AKR1B15: variants seen among roughly 807,000 people sequenced by gnomAD.
AKR1B15 encodes estradiol 17-beta-dehydrogenase AKR1B15.
AKR1B15 carries 49 observed loss-of-function variants against 38.5 expected under a neutral mutation model. The observed-to-expected ratio is 1.27, with a 90% CI of 1.01 to 1.62. The LOEUF is 1.62. Among genes scored for constraint, AKR1B15 ranks in the 40% most tolerant of loss-of-function variants. The probability of loss-of-function intolerance (pLI) is 0.00; values close to 1 mark genes in which losing one functional copy is unlikely to be tolerated. For missense variants in AKR1B15, 411 were observed against 381.6 expected, an observed-to-expected ratio of 1.08 and a Z score of -0.64; for synonymous variants, 137 against 135.5, an observed-to-expected ratio of 1.01 and a Z score of -0.08.
At chr7:134,563,685 G>A (rs1170263054) in intron 2 of AKR1B15, among the ~76,000 whole-genome samples, 3 of 152,168 alleles carry the variant, frequency 2.0e-5, no homozygotes, top group Admixed American at 2.0e-4. Flanking sequence ...CTAAAGGATT[G>A]TTAATGCACC....
At chr7:134,556,112 T>TC (rs1172350479) in intron 1 of AKR1B15, among the ~76,000 whole-genome samples, 1 of 152,188 alleles carries the variant, frequency 6.6e-6, no homozygotes, top group African/African-American at 2.4e-5. Flanking sequence ...ATGTTCACCA[T>TC]CCAGAAAAAA....
intron 2 of AKR1B15, among the ~76,000 whole-genome samples, chr7:134,562,879 TTTCTTTCTTTC>T (rs1794449081): frequency 8.0e-6 from 1 of 125,686 alleles, no homozygotes. Flanking sequence ...TCTTTCTTTC[TTTCTTTCTTTC>T]CTTCTTTCTT....
intron 1 of AKR1B15, among the ~76,000 whole-genome samples, chr7:134,553,610 A>G (rs906404977): frequency 6.6e-6 from 1 of 152,206 alleles, no homozygotes; most frequent in African/African-American, 2.4e-5. Flanking sequence ...CCTTGCTACA[A>G]AGTGCTTCTG....
At chr7:134,560,152 C>T (rs1237801228) in intron 2 of AKR1B15, among the ~76,000 whole-genome samples, 2 of 152,062 alleles carry the variant, frequency 1.3e-5, no homozygotes, top group African/African-American at 4.8e-5. Context: ...TAACAAATCC[C>T]CTCAAGAGGT....
At chr7:134,577,420 T>C (rs963732427) in intron 10 of AKR1B15, among the ~76,000 whole-genome samples, 13 of 152,168 alleles carry the variant, frequency 8.5e-5, no homozygotes, top group African/African-American at 3.1e-4. Flanking sequence ...AGAAGTGTCC[T>C]CTAGAAGCAC....
intron 3 of AKR1B15, chr7:134,564,984 C>T (rs1233731798): frequency 8.1e-6 from 3 of 369,660 alleles, no homozygotes; most frequent in Non-Finnish European, 9.7e-6. Context: ...TGTAAAAACG[C>T]AGCAATCAGC....
At chr7:134,576,000 T>C (rs1290322617) in intron 8 of AKR1B15, 73 bp downstream of exon 8, 85 of 1,555,880 alleles carry the variant, frequency 5.5e-5, no homozygotes, top group Non-Finnish European at 7.0e-5. Flanking sequence ...TAAATGTCGG[T>C]ATGGGTCCAT....
At chr7:134,562,183 C>T (rs1794414376) in intron 2 of AKR1B15, among the ~76,000 whole-genome samples, 1 of 152,160 alleles carries the variant, frequency 6.6e-6, no homozygotes, top group African/African-American at 2.4e-5. Context: ...GTCTGGCTGA[C>T]TTCAAGACTG....
At chr7:134,574,839 T>G (rs947115165) in intron 6 of AKR1B15, among the ~76,000 whole-genome samples, 1 of 152,140 alleles carries the variant, frequency 6.6e-6, no homozygotes, top group African/African-American at 2.4e-5. Context: ...CCCACACAAC[T>G]CCGTGGCCGG....
intron 2 of AKR1B15, among the ~76,000 whole-genome samples, chr7:134,562,052 C>T (rs1318824930): frequency 3.3e-5 from 5 of 152,110 alleles, no homozygotes; most frequent in East Asian, 1.9e-4. Flanking sequence ...GGCACAATCT[C>T]GGCTCACTGC....
In AKR1B15 at chr7:134,576,004, G is replaced by A. The variant is rs533083485; in HGVS notation, c.743+77G>A. 8 of 1,540,230 alleles carry A rather than the reference G, an allele frequency of 5.2e-6. No individual in the cohort carries two copies. The South Asian group carries it at 9.6e-5, about 19-fold the overall frequency. ...TTTATAATTGGTAAATGTCGGTATG[G>A]GTCCATAAGTTACTGGAAAGAAAAA... is the stretch of plus-strand genomic sequence containing the variant. On this transcript the variant is annotated intron_variant, in intron 8 of 11. Transcript: ENST00000457545.
chr7:134,566,488 G>C (rs1794538195), intron 3 of AKR1B15, among the ~76,000 whole-genome samples: 1 of 152,108 alleles, frequency 6.6e-6, no homozygotes, highest in African/African-American at 2.4e-5. Context: ...GGCAAAACAC[G>C]CTAAGGCACA....
At chr7:134,557,883 A>C (rs1422651514) in intron 2 of AKR1B15, among the ~76,000 whole-genome samples, 1 of 152,178 alleles carries the variant, frequency 6.6e-6, no homozygotes, top group Non-Finnish European at 1.5e-5. Context: ...TCTATAACTC[A>C]GTCGGTTACA....
At chr7:134,568,110 T>G in intron 3 of AKR1B15, 48 bp from the exon 4 acceptor site, 3 of 1,607,370 alleles carry the variant, frequency 1.9e-6, no homozygotes, top group Non-Finnish European at 2.5e-6. Flanking sequence ...AGGTCTCATC[T>G]CTTAAAAAAA....
intron 2 of AKR1B15, among the ~76,000 whole-genome samples, chr7:134,563,140 G>A (rs942982485): frequency 6.6e-6 from 1 of 152,090 alleles, no homozygotes; most frequent in Non-Finnish European, 1.5e-5. Context: ...CTTTGCAAAA[G>A]GTTGTCATGT....
At position 134,568,233 on chromosome 7, in the gene AKR1B15, T is replaced by A. The variant is rs747398680; in HGVS notation, c.226T>A (p.Phe76Ile). Residue 76 changes from phenylalanine to isoleucine, a missense_variant, in exon 4 of 12, where the codon TTC becomes ATC. Phe to Ile is a conservative substitution (Grantham distance 21). Transcript: ENST00000457545. ...ATATCGCCACATTGACTGTGCCTAT[T>A]TCTATGAGAATCAACATGAGGTGGG... ...AEYRHIDCAY[F>I]YENQHEVGEA... 1 of 1,614,132 alleles carries A rather than the reference T, an allele frequency of 6.2e-7. No individual in the cohort carries two copies. Among genetic ancestry groups the A allele is most frequent in the Non-Finnish European group, 8.5e-7 (1 of 1,179,986 alleles).
At chr7:134,557,093 A>G (rs1794223726) in intron 2 of AKR1B15, among the ~76,000 whole-genome samples, 1 of 152,186 alleles carries the variant, frequency 6.6e-6, no homozygotes, top group African/African-American at 2.4e-5. Context: ...GCCAGAAGGA[A>G]CAAGAAAGTA....
At chr7:134,578,343 T>G (rs1386594836) in intron 11 of AKR1B15, among the ~76,000 whole-genome samples, 1 of 152,092 alleles carries the variant, frequency 6.6e-6, no homozygotes, top group Non-Finnish European at 1.5e-5. Flanking sequence ...ATATGTATAT[T>G]TGGGGGAAGA....
At chr7:134,576,293 C>T (rs1381022649) in intron 8 of AKR1B15, 56 bp from the exon 9 acceptor site, 17 of 1,556,108 alleles carry the variant, frequency 1.1e-5, no homozygotes, top group Non-Finnish European at 1.5e-5. Context: ...GGAGTGGTGT[C>T]CTTCTGTACA....
Sources: gnomAD v4.1 joint callset for allele counts (sites outside exome capture counted in the v4.1 genomes callset) on GRCh38, gnomAD v4.1.1 for gene constraint, MANE v1.5 for transcripts, NCBI Gene and HGNC (gene_info 2026-07-23, HGNC 2026-07-21) for gene names.